SUSD2: variants seen among roughly 807,000 people sequenced by gnomAD.
SUSD2 encodes the protein sushi domain-containing protein 2.
Under a neutral mutation model 93.8 loss-of-function variants are expected in SUSD2, and 86 were observed. The observed-to-expected ratio is 0.92, with a 90% CI of 0.77 to 1.10. The LOEUF (loss-of-function observed/expected upper bound fraction) is 1.10. Among genes scored for constraint, SUSD2 ranks in the 50% least tolerant of loss-of-function variants. The pLI is 0.00. For missense variants in SUSD2, 1,060 were observed against 1,137.0 expected (o/e 0.93, Z 0.97); for synonymous variants, 483 against 485.0 (o/e 1.00, Z 0.05).
rs1003803304 is a variant in SUSD2 at position 24,185,752 on chromosome 22, C to A, written c.1162C>A (p.Arg388Ser). 6.2e-7 allele frequency: 1 copy of A among 1,609,134 alleles called. No homozygotes were observed. The change falls in exon 8 of 15, where the codon CGC becomes AGC. Residue 388 changes from arginine (R) to serine (S), a missense_variant. This residue lies in a region of SUSD2 where 973 missense variants were observed against 1,005.3 expected (regional missense o/e 0.97). Transcript: ENST00000358321. Reference sequence around the variant, plus strand: ...CTCCAGCGGCGGCAGCACTCCCGACCGCGGCCATGACTGGGGCGCACCCCC... The same window carrying A: ...CTCCAGCGGCGGCAGCACTCCCGACAGCGGCCATGACTGGGGCGCACCCCC... ...ADSSGGSTPD[R>S]GHDWGAPPFR...
In SUSD2 at chr22:24,188,268, C is replaced by T. The variant is rs146576308; in HGVS notation, c.2385C>T (p.Leu795=). The change falls in exon 14 of 15, where the codon CTC becomes CTT. Residue 795 remains leucine, a synonymous_variant. Transcript: ENST00000358321. This position sits in a 1 kb window ranked among gnomAD's most constrained non-coding sequence, Gnocchi z 4.7. The part of the protein sequence containing the change: ...AVLLGIIFGG[L]AVVAAVALVY... The stretch of plus-strand genomic sequence containing the variant: ...TGTTGGGCATCATCTTTGGGGGCCT[C>T]GCGGTGGTGGCGGCGGTTGCGCTCG... 297 of 1,605,080 alleles carry T rather than the reference C, an allele frequency of 1.9e-4. 1 individual carries two copies. The highest frequency in any genetic ancestry group is 1.2e-3 in the Middle Eastern group (7 of 6,022).
In SUSD2 at chr22:24,188,847, G is replaced by A. The variant is rs2047387982; in HGVS notation, c.*411G>A. On this transcript the variant is annotated 3_prime_UTR_variant, in exon 15 of 15. Transcript: ENST00000358321. This position sits in a 1 kb window ranked among gnomAD's most constrained non-coding sequence, Gnocchi z 4.7. ...CCCAGAGCCTGATGCCGGGGCCCCT[G>A]ACCCCTGATCTACGGAGGCCTGCTC... is the stretch of plus-strand genomic sequence containing the variant. 5.2e-6 allele frequency: 1 copy of A among 190,934 alleles called. No homozygotes were observed. The highest frequency in any genetic ancestry group is 1.1e-5 in the Non-Finnish European group (1 of 91,376). The allele number at this position is 190,934 out of a possible 1,614,324, so 11.8% of individuals were successfully genotyped here. A position where few individuals can be genotyped will look rare whatever the true frequency, so the allele number is the denominator to read the frequency against.
intron 12 of SUSD2, 22 bp downstream of exon 12, chr22:24,187,865 T>TGGGGGG: frequency 1.1e-6 from 1 of 911,028 alleles, no homozygotes; most frequent in Non-Finnish European, 1.7e-6. Flanking sequence ...CAGGTGGGGG[T>TGGGGGG]GGGCGGGGAG....
chr22:24,183,692 C>G (rs758981161), intron 3 of SUSD2, 46 bp downstream of exon 3: 19 of 1,587,902 alleles, frequency 1.2e-5, no homozygotes, highest in Non-Finnish European at 1.6e-5. Context: ...GGGGACTTTC[C>G]CCAGCGCTAA....
Position 24,188,369 on chromosome 22 carries a change from G to A in SUSD2, c.2444+42G>A, listed in dbSNP as rs373776062. 55 of 1,610,720 alleles carry A rather than the reference G, an allele frequency of 3.4e-5. No individual in the cohort carries two copies. The highest frequency in any genetic ancestry group is 2.0e-4 in the East Asian group (9 of 44,864). Reference sequence around the variant, plus strand: ...CCTCTCCCAAGACCCCGAGACAGCCGGTGGGACCACCGAGGCTACTTCTAA... The same window carrying A: ...CCTCTCCCAAGACCCCGAGACAGCCAGTGGGACCACCGAGGCTACTTCTAA... On this transcript the variant is annotated intron_variant, in intron 14 of 14. Transcript: ENST00000358321. The surrounding 1 kb of genome is among the most constrained non-coding windows in gnomAD (Gnocchi z 4.7).
rs1436629779 is a variant in SUSD2, at chr22:24,182,151, G to A, written c.76+556G>A. Among the ~76,000 whole-genome samples, 6 of 152,344 alleles carry A rather than the reference G, an allele frequency of 3.9e-5. No homozygotes were observed. In the East Asian group the frequency reaches 9.7e-4, roughly 25 times the overall value. ...CTGCACTTGGTGAAGTGGGGCCAGC[G>A]GGGTGGCTCAGGCCCAGGCCTGGCC... On this transcript the variant is annotated intron_variant, in intron 1 of 14. Transcript: ENST00000358321.
At chr22:24,185,399 G>C in intron 6 of SUSD2, 87 bp from the exon 7 acceptor site, 2 of 1,537,010 alleles carry the variant, frequency 1.3e-6, no homozygotes, top group Non-Finnish European at 1.8e-6. Context: ...GGTGGGGCTG[G>C]GGTCTCAGGA....
At position 24,188,421 on chromosome 22, in the gene SUSD2, G is replaced by A; in HGVS notation, c.2454G>A (p.Trp818Ter). The A allele has an allele frequency of 6.2e-7, 1 of 1,611,004 alleles. No homozygotes were observed. Among genetic ancestry groups the A allele is most frequent in the Non-Finnish European group, 8.5e-7 (1 of 1,179,836 alleles). ...TGCGTTTCTGTTGCAGGCACGTCTG[G>A]GGTGCACAGCCCTGATGGGAGCAGC... The part of the protein sequence containing the change: ...LRRRKGNTHV[W>*]GAQP The change falls in exon 15 of 15, where the codon TGG (tryptophan) becomes TGA (stop). Residue 818 changes from tryptophan (W) to a stop codon, truncating the protein, a stop_gained. Transcript: ENST00000358321. LOFTEE classifies it high-confidence loss of function. This position sits in a 1 kb window ranked among gnomAD's most constrained non-coding sequence, Gnocchi z 4.7.
intron 10 of SUSD2, chr22:24,186,657 G>A: frequency 1.8e-6 from 1 of 564,568 alleles, no homozygotes. Context: ...GCCTTCTGGA[G>A]GGGAACTCAC....
intron 1 of SUSD2, among the ~76,000 whole-genome samples, chr22:24,182,011 G>A (rs1393240729): frequency 2.0e-5 from 3 of 151,330 alleles, no homozygotes; most frequent in African/African-American, 4.9e-5. Flanking sequence ...ATTTCCCATC[G>A]ACCCTCTTGC....
At position 24,187,638 on chromosome 22, in the gene SUSD2, C is replaced by G. The variant is rs1368833861; in HGVS notation, c.1959C>G (p.Tyr653Ter). 2 of 1,613,886 alleles carry G rather than the reference C, an allele frequency of 1.2e-6. No homozygotes were observed. Among genetic ancestry groups the G allele is most frequent in the Non-Finnish European group, 1.7e-6 (2 of 1,180,002 alleles). ...GGTTCCTGGTCCACAACTTCCTGTA[C>G]CAACCCAAGCACGACCCCACCTTCG... ...DSWFLVHNFLYQPKHDPTFEP... is the reference protein window; with the variant it reads ...DSWFLVHNFL Residue 653 changes from tyrosine to a stop codon, truncating the protein, a stop_gained, in exon 12 of 15, where the codon TAC becomes TAG. Coordinates refer to ENST00000358321, the MANE Select transcript of SUSD2 (RefSeq NM_019601.4). LOFTEE classifies it high-confidence loss of function.
chr22:24,186,718 C>G (rs1291292939), intron 10 of SUSD2: 1 of 462,964 alleles, frequency 2.2e-6, no homozygotes, highest in Non-Finnish European at 3.9e-6. Context: ...GTGCTCCTGT[C>G]ACTCCCTCAG....
rs770925937 is a variant in SUSD2 at position 24,185,976 on chromosome 22, C to T, written c.1340-40C>T. 5 of 1,580,766 alleles carry T rather than the reference C, an allele frequency of 3.2e-6. No homozygotes were observed. The Admixed American group carries it at 8.6e-5, about 27-fold the overall frequency. On this transcript the variant is annotated intron_variant, in intron 8 of 14. Transcript: ENST00000358321. ...AGACCCTGGGAAAGATCGGGCTGGG[C>T]TGGGGTGCACCCCCACGTGACCCTC...
chr22:24,186,578 G>A (rs1448681771), intron 10 of SUSD2, 163 bp downstream of exon 10: 12 of 790,360 alleles, frequency 1.5e-5, no homozygotes, highest in Middle Eastern at 3.7e-4. Context: ...TGCCCCCGTC[G>A]TACCCACCTG....
At position 24,184,278 on chromosome 22, in the gene SUSD2, C is replaced by T. The variant is rs980522327; in HGVS notation, c.582C>T (p.Ile194=). Residue 194 remains isoleucine, a synonymous_variant, in exon 4 of 15, where the codon ATC becomes ATT. Coordinates refer to ENST00000358321, the MANE Select transcript of SUSD2 (RefSeq NM_019601.4). ...VKSLPTQTIT[I]ELWGYEETGM... ...CGCTGCCCACGCAGACCATCACCAT[C>T]GAACTGTGGGGCTACGAGGAGACAG... 1.9e-6 allele frequency: 3 copies of T among 1,613,504 alleles called. No individual in the cohort carries two copies. Among genetic ancestry groups the T allele is most frequent in the Non-Finnish European group, 2.5e-6 (3 of 1,179,998 alleles).
At position 24,183,486 on chromosome 22, in the gene SUSD2, C is replaced by A; in HGVS notation, c.288-9C>A. Reference sequence around the variant, plus strand: ...GACCCAGCCCCTCCCACCACCACCACGCCCACAGGTTTAAGGACAGCATCC... The same window carrying A: ...GACCCAGCCCCTCCCACCACCACCAAGCCCACAGGTTTAAGGACAGCATCC... On this transcript the variant is annotated splice_polypyrimidine_tract_variant and intron_variant, in intron 2 of 14. Transcript: ENST00000358321. 6.2e-7 allele frequency: 1 copy of A among 1,607,286 alleles called. No homozygotes were observed. The highest frequency in any genetic ancestry group is 1.3e-5 in the African/African-American group (1 of 74,974).
Position 24,186,141 on chromosome 22 carries a change from C to G in SUSD2, c.1465C>G (p.Pro489Ala). Reference sequence around the variant, plus strand: ...CCTGAGGGTGCAGGCGCGGGCCCAGCCCGGGACGATGTCCAACGGTGAGGC... The same window carrying G: ...CCTGAGGGTGCAGGCGCGGGCCCAGGCCGGGACGATGTCCAACGGTGAGGC... ...TDLRVQARAQ[P>A]GTMSNGTETR... The change falls in exon 9 of 15, where the codon CCC (proline) becomes GCC (alanine). Residue 489 changes from proline to alanine, a missense_variant. Pro to Ala is a conservative substitution (Grantham distance 27, BLOSUM62 -1). Coordinates refer to ENST00000358321, the MANE Select transcript of SUSD2 (RefSeq NM_019601.4). 1 of 1,609,846 alleles carries G rather than the reference C, an allele frequency of 6.2e-7. No homozygotes were observed. Among genetic ancestry groups the G allele is most frequent in the Non-Finnish European group, 8.5e-7 (1 of 1,178,222 alleles).
At chr22:24,186,471 G>T (rs1319090356) in intron 10 of SUSD2, 56 bp downstream of exon 10, 2 of 1,585,984 alleles carry the variant, frequency 1.3e-6, no homozygotes, top group African/African-American at 1.3e-5. Flanking sequence ...CCCCATTCCT[G>T]CAGGGAGACT....
In SUSD2 at chr22:24,185,504, A is replaced by G. The variant is rs367744894; in HGVS notation, c.1003A>G (p.Met335Val). 6.4e-7 allele frequency: 1 copy of G among 1,569,866 alleles called. No homozygotes were observed. The highest frequency in any genetic ancestry group is 8.6e-7 in the Non-Finnish European group (1 of 1,157,340). ...GRFFTDYGCD[M>V]EQGSVCTYHP... ...TCTGCAGACGGACTACGGCTGTGAC[A>G]TGGAGCAGGGCAGCGTGTGCACCTA... Residue 335 changes from methionine (M) to valine (V), a missense_variant, in exon 7 of 15, where the codon ATG becomes GTG. Transcript: ENST00000358321.
Sources: allele counts gnomAD v4.1 joint callset (sites outside exome capture counted in the v4.1 genomes callset), GRCh38; gene constraint gnomAD v4.1.1; regional missense constraint gnomAD v4.1.1; non-coding constraint Gnocchi (gnomAD v3.1); transcripts MANE v1.5; gene names NCBI Gene and HGNC (gene_info 2026-07-23, HGNC 2026-07-21).